ICE2: variants seen among roughly 807,000 people sequenced by gnomAD.
ICE2 encodes interactor of little elongation complex ELL subunit 2, also known as little elongation complex subunit 2.
In ICE2, 87 loss-of-function variants were observed where a neutral mutation model predicts 105.4. The ratio of observed to expected loss-of-function variants is 0.83; its 90% CI spans 0.69 to 0.99. The LOEUF (loss-of-function observed/expected upper bound fraction) is 0.99. Ranked by LOEUF, ICE2 falls within the 50% of genes least tolerant of loss-of-function variation. The pLI, the probability that ICE2 is intolerant of heterozygous loss-of-function variation, is 0.00. For missense variants in ICE2, 1,323 were observed against 1,146.7 expected (o/e 1.15, Z -2.22); for synonymous variants, 399 against 392.0 (o/e 1.02, Z -0.21).
Position 60,476,067 on chromosome 15 carries a change from T to TG in ICE2, c.141dup (p.Asn48GlnfsTer18). 6.3e-7 allele frequency: 1 copy of TG among 1,577,380 alleles called. No individual in the cohort carries two copies. The highest frequency in any genetic ancestry group is 8.6e-7 in the Non-Finnish European group (1 of 1,161,488). ...ATAACCAAATAAACATATTACCTGT[T>TG]GGATAAAACACGTAGTTCTTTTAAA... On this transcript the variant is annotated frameshift_variant, in exon 3 of 16. Coordinates refer to ENST00000261520, the MANE Select transcript of ICE2 (RefSeq NM_024611.6). LOFTEE classifies it high-confidence loss of function.
intron 3 of ICE2, among the ~76,000 whole-genome samples, chr15:60,472,479 C>CAATA (rs1260168763): frequency 6.6e-6 from 1 of 152,076 alleles, no homozygotes; most frequent in Non-Finnish European, 1.5e-5. Flanking sequence ...AACATCATAT[C>CAATA]AATAACTTGT....
chr15:60,473,267 A>T (rs776684629), intron 3 of ICE2, among the ~76,000 whole-genome samples: 5 of 151,068 alleles, frequency 3.3e-5, no homozygotes, highest in Non-Finnish European at 5.9e-5. Flanking sequence ...TGTGTGTGTG[A>T]GTGAGTGAGT....
In ICE2 at chr15:60,451,433, A is replaced by C. The variant is rs1407971219; in HGVS notation, c.1126-1592T>G. 4.1e-6 allele frequency: 4 copies of C among 974,076 alleles called. No homozygotes were observed. The African/African-American group carries it at 5.3e-5, about 13-fold the overall frequency. 60.3% of individuals were successfully genotyped at this position (974,076 alleles called of 1,614,324 possible). A position where few individuals can be genotyped will look rare whatever the true frequency, so the allele number is the denominator to read the frequency against. The stretch of plus-strand genomic sequence containing the variant: ...AAGGAAATAAAATTAGATATCATTA[A>C]GAAAAATGTAAACAAACAATAAACT... On this transcript the variant is annotated intron_variant, in intron 9 of 15. Transcript: ENST00000261520.
chr15:60,466,835 G>T, intron 4 of ICE2, 122 bp from the exon 5 acceptor site: 1 of 794,650 alleles, frequency 1.3e-6, no homozygotes, highest in Non-Finnish European at 1.9e-6. Context: ...ATCCAAAGCA[G>T]AAATCAAAGA....
rs1261428037 is a variant in ICE2, at chr15:60,442,543, T to C, written c.2298A>G (p.Gln766=). 3.8e-6 allele frequency: 6 copies of C among 1,563,672 alleles called. No homozygotes were observed. The African/African-American group carries it at 5.5e-5, about 14-fold the overall frequency. Residue 766 remains glutamine (Q), a splice_region_variant and synonymous_variant, in exon 12 of 16, where the codon CAA becomes CAG. Coordinates refer to ENST00000261520, the MANE Select transcript of ICE2 (RefSeq NM_024611.6). ...CTTTTGGTAGTACATAAACTGGAAA[T>C]TGCTGCAATGCAAAATTATACTTTT... The part of the protein sequence containing the change: ...RSKKRKKIRR[Q]FPVYVLPKVE...
intron 12 of ICE2, chr15:60,441,143 A>T (rs2063710842): frequency 6.6e-6 from 1 of 152,114 alleles, no homozygotes; most frequent in Admixed American, 6.6e-5. Context: ...TCAAGTAGCT[A>T]ATGTTGAGAT....
At chr15:60,444,835 A>G (rs2063788958) in intron 11 of ICE2, among the ~76,000 whole-genome samples, 1 of 152,032 alleles carries the variant, frequency 6.6e-6, no homozygotes, top group South Asian at 2.1e-4. Context: ...TATGTGCACC[A>G]CCACGCCTAG....
intron 5 of ICE2, among the ~76,000 whole-genome samples, chr15:60,460,115 C>T (rs1044992806): frequency 3.9e-5 from 6 of 152,136 alleles, no homozygotes; most frequent in Non-Finnish European, 7.3e-5. Context: ...CCCATGATCT[C>T]AGGACTACAA....
At chr15:60,454,732 G>A (rs1326657494) in intron 8 of ICE2, 2 of 307,490 alleles carry the variant, frequency 6.5e-6, no homozygotes, top group East Asian at 1.1e-4. Context: ...TACATGTGGA[G>A]AATGGGCAGG....
intron 2 of ICE2, 137 bp downstream of exon 2, chr15:60,477,800 T>C (rs2064807517): frequency 4.0e-6 from 3 of 748,934 alleles, no homozygotes; most frequent in Non-Finnish European, 4.7e-6. Context: ...AAGATGAGGA[T>C]AGGGTAAATT....
chr15:60,434,254 A>C (rs1268821130), intron 13 of ICE2, among the ~76,000 whole-genome samples: 1 of 152,180 alleles, frequency 6.6e-6, no homozygotes, highest in Non-Finnish European at 1.5e-5. Context: ...CGATAAATTC[A>C]TTTCAGTCAC....
intron 5 of ICE2, 129 bp downstream of exon 5, chr15:60,466,465 A>C: frequency 1.0e-6 from 1 of 1,003,760 alleles, no homozygotes; most frequent in Admixed American, 2.7e-5. Context: ...ATGATGAAGA[A>C]AAGACCTGTG....
intron 12 of ICE2, among the ~76,000 whole-genome samples, chr15:60,436,720 CAAA>C (rs58594280): frequency 4.5e-5 from 4 of 88,010 alleles, no homozygotes; most frequent in Admixed American, 1.4e-4. Context: ...GACTCTGTCT[CAAA>C]AAAAAAAAAA....
intron 13 of ICE2, among the ~76,000 whole-genome samples, chr15:60,434,144 A>C (rs1391873387): frequency 6.6e-6 from 1 of 152,248 alleles, no homozygotes; most frequent in African/African-American, 2.4e-5. Flanking sequence ...AATGGAGATA[A>C]TACTACCACC....
chr15:60,433,436 C>CCTAAA, intron 13 of ICE2, among the ~76,000 whole-genome samples: 1 of 151,944 alleles, frequency 6.6e-6, no homozygotes. Flanking sequence ...ACCTAAAGTC[C>CCTAAA]GTCTGTCCAT....
intron 4 of ICE2, among the ~76,000 whole-genome samples, chr15:60,467,753 A>G (rs1054349299): frequency 6.6e-6 from 1 of 152,260 alleles, no homozygotes; most frequent in Non-Finnish European, 1.5e-5. Flanking sequence ...CATCATTTAT[A>G]TAATTGAGAA....
At chr15:60,458,830 A>G (rs964948943) in intron 5 of ICE2, among the ~76,000 whole-genome samples, 1 of 152,170 alleles carries the variant, frequency 6.6e-6, no homozygotes, top group Non-Finnish European at 1.5e-5. Context: ...TCTTGAGGAC[A>G]TTATGCTAAG....
At chr15:60,456,876 T>A in intron 5 of ICE2, 82 bp from the exon 6 acceptor site, 2 of 724,240 alleles carry the variant, frequency 2.8e-6, no homozygotes, top group Non-Finnish European at 4.2e-6. Flanking sequence ...TGTGACTATG[T>A]AATTATTCAT....
chr15:60,451,409 A>G, intron 9 of ICE2: 2 of 901,270 alleles, frequency 2.2e-6, no homozygotes, highest in Non-Finnish European at 2.6e-6. Context: ...TATGTTCAGA[A>G]GGAAATAAAA....
Sources: gnomAD v4.1 joint callset for allele counts (sites outside exome capture counted in the v4.1 genomes callset) on GRCh38, gnomAD v4.1.1 for gene constraint, MANE v1.5 for transcripts, NCBI Gene and HGNC (gene_info 2026-07-23, HGNC 2026-07-21) for gene names.